TENM2: variants seen among roughly 807,000 people sequenced by gnomAD.
The protein encoded by TENM2 is teneurin transmembrane protein 2.
A neutral mutation model predicts 245.2 loss-of-function variants in TENM2; 52 were observed. That is an observed-to-expected ratio of 0.21 (90% CI 0.17 to 0.27). The LOEUF is 0.27. Among genes scored for constraint, TENM2 ranks in the 10% least tolerant of loss-of-function variants. The pLI, the probability that TENM2 is intolerant of heterozygous loss-of-function variation, is 1.00. For missense variants in TENM2, 3,046 were observed against 3,666.8 expected (o/e 0.83, Z 4.37); for synonymous variants, 1,363 against 1,438.9 (o/e 0.95, Z 1.19).
chr5:167,826,591 A>G (rs1424845715), intron 2 of TENM2, among the ~76,000 whole-genome samples: 2 of 152,170 alleles, frequency 1.3e-5, no homozygotes, highest in African/African-American at 4.8e-5. Context: ...GACACATAAT[A>G]CTTTACTATG....
At chr5:167,486,020 T>C (rs2127535536) in intron 2 of TENM2, among the ~76,000 whole-genome samples, 1 of 152,174 alleles carries the variant, frequency 6.6e-6, no homozygotes, top group Non-Finnish European at 1.5e-5. Flanking sequence ...CTAGTAGAAA[T>C]ACCTCCCCTT....
intron 2 of TENM2, among the ~76,000 whole-genome samples, chr5:167,678,935 T>C (rs1756520589): frequency 6.6e-6 from 1 of 152,158 alleles, no homozygotes; most frequent in Non-Finnish European, 1.5e-5. Context: ...TTAATAACTT[T>C]TCTTCGGCAA....
chr5:166,991,591 G>A, the TENM2 span, among the ~76,000 whole-genome samples: 1 of 152,050 alleles, frequency 6.6e-6, no homozygotes, highest in African/African-American at 2.4e-5. Context: ...TAAAGGAGCT[G>A]GCTATAATTT....
At chr5:167,200,239 T>A in the TENM2 span, among the ~76,000 whole-genome samples, 1 of 152,108 alleles carries the variant, frequency 6.6e-6, no homozygotes. Flanking sequence ...TGTTGGTTTT[T>A]CTTTCATATT....
chr5:167,186,449 C>G, the TENM2 span, among the ~76,000 whole-genome samples: 9 of 152,156 alleles, frequency 5.9e-5, no homozygotes, highest in Non-Finnish European at 1.3e-4. Context: ...CTCCGGTCTT[C>G]CCTTTGGTGA....
At chr5:167,137,182 A>T in the TENM2 span, among the ~76,000 whole-genome samples, 2 of 152,164 alleles carry the variant, frequency 1.3e-5, no homozygotes, top group Admixed American at 6.5e-5. Context: ...AGGTTCAAAT[A>T]TTATCACATT....
intron 2 of TENM2, among the ~76,000 whole-genome samples, chr5:167,771,621 A>G (rs1229348626): frequency 6.6e-6 from 1 of 152,184 alleles, no homozygotes; most frequent in Non-Finnish European, 1.5e-5. Flanking sequence ...TAACATCTCA[A>G]TTCATAGGCA....
the TENM2 span, among the ~76,000 whole-genome samples, chr5:167,107,918 G>A: frequency 6.6e-6 from 1 of 152,164 alleles, no homozygotes; most frequent in Non-Finnish European, 1.5e-5. Context: ...GCCCAACCTT[G>A]TCTTTGATGT....
chr5:167,555,710 C>A (rs1773221264), intron 2 of TENM2, among the ~76,000 whole-genome samples: 1 of 152,094 alleles, frequency 6.6e-6, no homozygotes, highest in African/African-American at 2.4e-5. Flanking sequence ...AAGAATAAAT[C>A]CCTCCCTGAC....
chr5:168,249,633 A>G (rs1766921781), intron 27 of TENM2, among the ~76,000 whole-genome samples: 1 of 152,178 alleles, frequency 6.6e-6, no homozygotes, highest in Non-Finnish European at 1.5e-5. Context: ...GGAAGTTTGG[A>G]GAATAGCATG....
At chr5:167,661,044 G>A (rs1561648013) in intron 2 of TENM2, among the ~76,000 whole-genome samples, 1 of 152,202 alleles carries the variant, frequency 6.6e-6, no homozygotes, top group Non-Finnish European at 1.5e-5. Context: ...CAAGCATTCA[G>A]AAGAAATGCA....
At chr5:168,122,660 T>C (rs749592309) in intron 10 of TENM2, among the ~76,000 whole-genome samples, 1 of 152,160 alleles carries the variant, frequency 6.6e-6, no homozygotes, top group Non-Finnish European at 1.5e-5. Context: ...TCATCATAAA[T>C]ATCTCCAACT....
chr5:168,073,172 G>A (rs889046678), intron 7 of TENM2, among the ~76,000 whole-genome samples: 19 of 152,136 alleles, frequency 1.2e-4, no homozygotes, highest in South Asian at 2.1e-4. Context: ...AGCCACTACC[G>A]TATGTCATTT....
Position 167,819,083 on chromosome 5 carries a change from T to TGC in TENM2, c.503-56901_503-56900dup, listed in dbSNP as rs757103729. ...CTGTGTGTGTGTGTGTGTGTGTGTG[T>TGC]GCGTGCGCGTTCTCTAATGCTACTC... On this transcript the variant is annotated intron_variant, in intron 2 of 28. Coordinates refer to ENST00000518659, the Ensembl canonical transcript of TENM2. 1.1e-3 allele frequency among the ~76,000 whole-genome samples: 160 copies of TGC among 148,178 alleles called. 1 individual carries two copies. Among genetic ancestry groups the TGC allele is most frequent in the Admixed American group, 2.2e-3 (33 of 15,004 alleles).
intron 27 of TENM2, 89 bp downstream of exon 29, chr5:168,248,460 TG>T (rs1766801332): frequency 1.5e-6 from 2 of 1,353,398 alleles, no homozygotes; most frequent in Non-Finnish European, 2.0e-6. Context: ...TCCCATCTTA[TG>T]GTAGGAGAAG....
chr5:167,671,211 T>C (rs2150350997), intron 2 of TENM2, among the ~76,000 whole-genome samples: 1 of 152,236 alleles, frequency 6.6e-6, no homozygotes, highest in East Asian at 1.9e-4. Flanking sequence ...TAATGTGAAT[T>C]AAAATGAAGT....
intron 2 of TENM2, among the ~76,000 whole-genome samples, chr5:167,779,547 T>A (rs938518842): frequency 7.9e-5 from 12 of 152,168 alleles, no homozygotes; most frequent in Non-Finnish European, 2.9e-5. Context: ...AATGAGAACA[T>A]GTTACTTCAT....
chr5:167,761,869 T>C (rs1388871418), intron 2 of TENM2, among the ~76,000 whole-genome samples: 5 of 152,192 alleles, frequency 3.3e-5, no homozygotes. Flanking sequence ...GAGCCAGAGA[T>C]AGAAGCACAG....
chr5:168,166,644 A>C (rs896192259), intron 13 of TENM2, among the ~76,000 whole-genome samples: 1 of 152,198 alleles, frequency 6.6e-6, no homozygotes, highest in Admixed American at 6.5e-5. Flanking sequence ...ATATCCCAGC[A>C]GTGCTGACGC....
Sources: allele counts gnomAD v4.1 joint callset (sites outside exome capture counted in the v4.1 genomes callset), GRCh38; gene constraint gnomAD v4.1.1; transcripts MANE v1.5; gene names NCBI Gene and HGNC (gene_info 2026-07-23, HGNC 2026-07-21).